DMD: variants seen among roughly 807,000 people sequenced by gnomAD.
DMD encodes the protein dystrophin.
DMD carries 63 observed loss-of-function variants against 330.1 expected under a neutral mutation model. That is an observed-to-expected ratio of 0.19 (90% CI 0.16 to 0.24). DMD has a LOEUF of 0.24. Ranked by LOEUF, DMD falls within the 10% of genes least tolerant of loss-of-function variation. The probability of loss-of-function intolerance (pLI) is 1.00; values close to 1 mark genes in which losing one functional copy is unlikely to be tolerated. For missense variants in DMD, 3,344 were observed against 2,684.1 expected (o/e 1.25, Z -5.43); for synonymous variants, 1,223 against 959.8 (o/e 1.27, Z -5.07).
intron 44 of DMD, among the ~76,000 whole-genome samples, chrX:32,121,643 A>ATATATATATATATATG (rs2096636192): frequency 1.2e-5 from 1 of 80,573 alleles, no homozygotes; most frequent in Admixed American, 1.3e-4. Flanking sequence ...ATATATATAT[A>ATATATATATATATATG]TATATATATA....
At chrX:32,685,583 T>C (rs1292913110) in intron 9 of DMD, among the ~76,000 whole-genome samples, 1 of 112,123 alleles carries the variant, frequency 8.9e-6, no homozygotes, top group African/African-American at 3.2e-5. Flanking sequence ...AGTTTTATTG[T>C]GAAGTAATCC....
intron 3 of DMD, among the ~76,000 whole-genome samples, chrX:32,848,245 T>A (rs1295409615): frequency 8.9e-6 from 1 of 111,916 alleles, no homozygotes; most frequent in Non-Finnish European, 1.9e-5. Context: ...CACTGGGACT[T>A]CTGTATTCGG....
rs2048850262 is a variant in DMD, at chrX:32,545,164, C to T, written c.2163G>A (p.Arg721=). ...AAAGCTTAAGATGCTCTCACCTTTT[C>T]CTAATTTCAGAATCCACAGTAATCT... ...KRQITVDSEI[R]KRLDVDITEL... is the part of the protein sequence containing the mutation. The change falls in exon 17 of 79, where the codon AGG becomes AGA. Residue 721 remains arginine (R), a synonymous_variant. Transcript: ENST00000357033. 3 of 1,208,538 alleles carry T rather than the reference C, an allele frequency of 2.5e-6. No homozygotes were observed. Among genetic ancestry groups the T allele is most frequent in the Non-Finnish European group, 3.4e-6 (3 of 894,008 alleles).
intron 47 of DMD, among the ~76,000 whole-genome samples, chrX:31,888,800 TATAA>T (rs2094192254): frequency 8.9e-6 from 1 of 112,444 alleles, no homozygotes; most frequent in Admixed American, 9.4e-5. Flanking sequence ...ATTTTAAAAC[TATAA>T]ATCCATATAC....
At chrX:31,621,520 G>C (rs2078529754) in intron 55 of DMD, among the ~76,000 whole-genome samples, 1 of 111,544 alleles carries the variant, frequency 9.0e-6, no homozygotes, top group African/African-American at 3.3e-5. Flanking sequence ...AGGTGGCAAG[G>C]GGCAGAGAGA....
intron 13 of DMD, among the ~76,000 whole-genome samples, chrX:32,595,304 G>T (rs773860828): frequency 1.8e-5 from 2 of 111,288 alleles, no homozygotes; most frequent in Non-Finnish European, 3.8e-5. Flanking sequence ...TGAGTTCTAC[G>T]GACTGTTTTT....
chrX:31,729,882 G>T (rs2086371393), intron 51 of DMD, 134 bp from the exon 52 acceptor site: 1 of 504,035 alleles, frequency 2.0e-6, no homozygotes, highest in East Asian at 3.5e-5. Context: ...CTGTATAAGG[G>T]TTTATAGAAA....
intron 44 of DMD, among the ~76,000 whole-genome samples, chrX:32,175,443 G>T (rs927916160): frequency 6.3e-5 from 7 of 110,878 alleles, no homozygotes; most frequent in Non-Finnish European, 5.7e-5. Context: ...CAAGCCAGCA[G>T]CGGCAACCTG....
At chrX:31,484,498 C>A (rs73212373) in intron 57 of DMD, among the ~76,000 whole-genome samples, 17,574 of 110,941 alleles carry the variant, frequency 0.16, 1,286 homozygotes, top group African/African-American at 0.28. Context: ...GACAGCCAGA[C>A]CCAAGGGTCC....
rs1351496434 is a variant in DMD at position 32,310,427 on chromosome X, G to C, written c.5923-151C>G. 1.1e-5 allele frequency: 5 copies of C among 474,477 alleles called. No homozygotes were observed. The Admixed American group carries it at 1.1e-4, about 11-fold the overall frequency. 39.1% of individuals were successfully genotyped at this position (474,477 alleles called of 1,213,427 possible). ...TCAAAACCTCACGATGGTAAGTCTAGTAAAACGGTGATTTATTAATTATAT... is the reference window on the plus strand; with the variant it reads ...TCAAAACCTCACGATGGTAAGTCTACTAAAACGGTGATTTATTAATTATAT... On this transcript the variant is annotated intron_variant, in intron 41 of 78. Transcript: ENST00000357033.
chrX:31,839,100 G>A (rs1310457397), intron 48 of DMD, among the ~76,000 whole-genome samples: 1 of 111,687 alleles, frequency 9.0e-6, no homozygotes, highest in Non-Finnish European at 1.9e-5. Context: ...TAATGCAACA[G>A]TCGTCATTCC....
chrX:32,539,458 A>G (rs1446449387), intron 17 of DMD, among the ~76,000 whole-genome samples: 1 of 111,292 alleles, frequency 9.0e-6, no homozygotes, highest in African/African-American at 3.3e-5. Context: ...AATAGGCAAA[A>G]GTGTCATTAC....
intron 17 of DMD, among the ~76,000 whole-genome samples, chrX:32,520,601 T>G (rs1196399667): frequency 9.0e-6 from 1 of 111,701 alleles, no homozygotes; most frequent in African/African-American, 3.3e-5. Context: ...TGATACACAG[T>G]GTCTCAAGGG....
intron 1 of DMD, among the ~76,000 whole-genome samples, chrX:33,263,587 T>C (rs2052995918): frequency 9.1e-6 from 1 of 109,512 alleles, no homozygotes; most frequent in African/African-American, 3.3e-5. Flanking sequence ...TTATATATTG[T>C]TCTTTAGCCC....
intron 44 of DMD, among the ~76,000 whole-genome samples, chrX:32,101,173 C>A (rs1221099301): frequency 9.0e-6 from 1 of 111,728 alleles, no homozygotes; most frequent in Non-Finnish European, 1.9e-5. Flanking sequence ...TATTTTGTTG[C>A]AGAACATGTT....
intron 6 of DMD, among the ~76,000 whole-genome samples, chrX:32,812,933 C>G (rs1356005954): frequency 9.0e-6 from 1 of 111,476 alleles, no homozygotes; most frequent in Non-Finnish European, 1.9e-5. Context: ...AAAAAAAGGA[C>G]ATAGGTGGGA....
At chrX:32,446,729 C>T (rs1418588085) in intron 27 of DMD, among the ~76,000 whole-genome samples, 1 of 110,286 alleles carries the variant, frequency 9.1e-6, no homozygotes, top group Non-Finnish European at 1.9e-5. Context: ...GCAACAATAA[C>T]GCGGAAAACG....
At chrX:31,526,309 T>C (rs2073236940) in intron 55 of DMD, among the ~76,000 whole-genome samples, 1 of 112,092 alleles carries the variant, frequency 8.9e-6, no homozygotes, top group South Asian at 3.7e-4. Context: ...ATTAACACAG[T>C]GCAAATTTAG....
chrX:33,163,777 A>G (rs1300739554), intron 1 of DMD, among the ~76,000 whole-genome samples: 2 of 109,232 alleles, frequency 1.8e-5, no homozygotes, highest in Admixed American at 2.0e-4. Flanking sequence ...AAGTAAAAAC[A>G]TTCTCAACTC....
Sources: allele counts gnomAD v4.1 joint callset (sites outside exome capture counted in the v4.1 genomes callset), GRCh38; gene constraint gnomAD v4.1.1; transcripts MANE v1.5; gene names NCBI Gene and HGNC (gene_info 2026-07-23, HGNC 2026-07-21).